The following INTS2 variants were observed in gnomAD, a reference collection of about 807,000 sequenced individuals.
INTS2 encodes the protein KIAA1287.
INTS2 carries 57 observed loss-of-function variants against 139.6 expected under a neutral mutation model. The observed-to-expected ratio is 0.41, with a 90% CI of 0.33 to 0.51. The LOEUF is 0.51. INTS2 is among the 20% of genes least tolerant of loss of function. INTS2 has a pLI of 0.28. For synonymous variants in INTS2, 473 were observed against 493.4 expected, an observed-to-expected ratio of 0.96 and a Z score of 0.55; for missense variants, 1,196 against 1,436.7, an observed-to-expected ratio of 0.83 and a Z score of 2.71.
chr17:61,874,811 G>T, intron 19 of INTS2, 102 bp downstream of exon 19: 1 of 991,798 alleles, frequency 1.0e-6, no homozygotes, highest in Non-Finnish European at 1.4e-6. Context: ...CTACTTATCT[G>T]CAAGAAAAAT....
intron 18 of INTS2, among the ~76,000 whole-genome samples, chr17:61,877,534 G>A (rs543798483): frequency 6.6e-6 from 1 of 152,208 alleles, no homozygotes; most frequent in East Asian, 1.9e-4. Flanking sequence ...GATCAGTAGT[G>A]GTAAAAACTC....
At chr17:61,913,968 C>G (rs1166250116) in intron 5 of INTS2, among the ~76,000 whole-genome samples, 1 of 151,294 alleles carries the variant, frequency 6.6e-6, no homozygotes, top group Non-Finnish European at 1.5e-5. Context: ...GCACAAAGTA[C>G]AAGAGGAAAA....
At chr17:61,914,317 G>A (rs188161539) in intron 5 of INTS2, among the ~76,000 whole-genome samples, 47 of 152,214 alleles carry the variant, frequency 3.1e-4, no homozygotes, top group African/African-American at 1.1e-3. Context: ...AGCACTTTGG[G>A]AGATTGAGGC....
Position 61,909,854 on chromosome 17 carries a change from T to C in INTS2, c.954+1666A>G, listed in dbSNP as rs944903272. Among the ~76,000 whole-genome samples the C allele has an allele frequency of 7.1e-6, 1 of 141,640 alleles. No homozygotes were observed. Among genetic ancestry groups the C allele is most frequent in the Non-Finnish European group, 1.6e-5 (1 of 64,474 alleles). The allele number at this position is 141,640 out of a possible 152,430, so 92.9% of individuals were successfully genotyped here. On this transcript the variant is annotated intron_variant, in intron 7 of 24. Transcript: ENST00000251334. The surrounding 1 kb of genome is among the most constrained non-coding windows in gnomAD (Gnocchi z 4.9). ...GTGTGTGTGTGTGTGTGTGTGTGTG[T>C]GTGTGTGCATATATCACATTTTCTT...
intron 14 of INTS2, among the ~76,000 whole-genome samples, chr17:61,890,517 T>C (rs1397151231): frequency 6.7e-6 from 1 of 148,988 alleles, no homozygotes; most frequent in Non-Finnish European, 1.5e-5. Flanking sequence ...GGCTGAGGCA[T>C]GAGAATCACT....
At position 61,874,925 on chromosome 17, in the gene INTS2, TG is replaced by T; in HGVS notation, c.2569del (p.Gln857ArgfsTer9). 1.3e-6 allele frequency: 2 copies of T among 1,591,134 alleles called. No homozygotes were observed. The highest frequency in any genetic ancestry group is 1.7e-6 in the Non-Finnish European group (2 of 1,168,394). On this transcript the variant is annotated frameshift_variant, in exon 19 of 25. Transcript: ENST00000251334. LOFTEE classifies it high-confidence loss of function. ...AAATGACATGTACCTGTGAACCCTC[TG>T]ATCACACCTTAGGACAATGAGAGGA... ...IDPLIVLRCDQRVHRCPPLMD... is the reference protein window; with the variant it reads ...IDPLIVLRCDXRVHRCPPLMD...
chr17:61,925,387 T>C (rs937645632), intron 2 of INTS2, among the ~76,000 whole-genome samples: 1 of 151,558 alleles, frequency 6.6e-6, no homozygotes, highest in Non-Finnish European at 1.5e-5. Flanking sequence ...GAGACCAGCC[T>C]GGCCAATATG....
intron 9 of INTS2, among the ~76,000 whole-genome samples, chr17:61,898,305 T>C (rs2079370012): frequency 6.6e-6 from 1 of 152,082 alleles, no homozygotes; most frequent in South Asian, 2.1e-4. Flanking sequence ...AAAATACGAC[T>C]TTTCTTTGAG....
At chr17:61,907,075 C>G (rs908874166) in intron 8 of INTS2, among the ~76,000 whole-genome samples, 1 of 151,406 alleles carries the variant, frequency 6.6e-6, no homozygotes, top group East Asian at 1.9e-4. Flanking sequence ...TTCAACTAGT[C>G]AATGGTAAAA....
At chr17:61,905,621 C>T (rs960202047) in intron 8 of INTS2, among the ~76,000 whole-genome samples, 1 of 152,094 alleles carries the variant, frequency 6.6e-6, no homozygotes, top group African/African-American at 2.4e-5. Context: ...CCACTGTGCC[C>T]GGTCTTAAAG....
At chr17:61,874,565 C>T (rs747477736) in intron 19 of INTS2, among the ~76,000 whole-genome samples, 1 of 152,134 alleles carries the variant, frequency 6.6e-6, no homozygotes, top group Non-Finnish European at 1.5e-5. Context: ...ACGCAGGTAA[C>T]GGTTCACAAG....
At chr17:61,879,071 C>CTTTTTTTTTTTT (rs943506280) in intron 17 of INTS2, among the ~76,000 whole-genome samples, 1 of 34,432 alleles carries the variant, frequency 2.9e-5, no homozygotes, top group Admixed American at 4.1e-4. Context: ...CCAGGCTGGT[C>CTTTTTTTTTTTT]TTTTTTTTTT....
chr17:61,890,789 C>T lies in INTS2; in HGVS notation c.1875+724G>A, dbSNP rs555826222. On this transcript the variant is annotated intron_variant, in intron 14 of 24. Transcript: ENST00000251334. ...AAAAAAAAAAAAATTACTGGCCAGG[C>T]GCAGTGGCTCACACCTGTAATCCCA... Among the ~76,000 whole-genome samples the T allele has an allele frequency of 4.6e-4, 66 of 144,696 alleles. 1 individual carries two copies. Among genetic ancestry groups the T allele is most frequent in the African/African-American group, 1.6e-3 (61 of 39,276 alleles). The allele number at this position is 144,696 out of a possible 152,430, so 94.9% of individuals were successfully genotyped here.
chr17:61,927,641 G>A lies in INTS2; in HGVS notation c.-19+13C>T, dbSNP rs747156243. Reference sequence around the variant, plus strand: ...AGGAACGCGCTGAGGCCAGAGAAGCGGACGCTTCATACCTTAAGATCTACC... The same window carrying A: ...AGGAACGCGCTGAGGCCAGAGAAGCAGACGCTTCATACCTTAAGATCTACC... On this transcript the variant is annotated intron_variant, in intron 1 of 24. Transcript: ENST00000251334. 3.0e-5 allele frequency: 40 copies of A among 1,352,834 alleles called. No individual in the cohort carries two copies. The African/African-American group carries it at 5.0e-4, about 17-fold the overall frequency. 83.8% of individuals were successfully genotyped at this position (1,352,834 alleles called of 1,614,324 possible).
intron 9 of INTS2, among the ~76,000 whole-genome samples, chr17:61,898,393 C>G (rs1334345509): frequency 6.6e-6 from 1 of 152,066 alleles, no homozygotes; most frequent in Non-Finnish European, 1.5e-5. Context: ...CACCCAAGCT[C>G]AAGTGATCCT....
chr17:61,919,478 C>A lies in INTS2; in HGVS notation c.571G>T (p.Glu191Ter). 1 of 1,597,988 alleles carries A rather than the reference C, an allele frequency of 6.3e-7. No individual in the cohort carries two copies. The highest frequency in any genetic ancestry group is 8.5e-7 in the Non-Finnish European group (1 of 1,171,144). The change falls in exon 5 of 25, where the codon GAA (glutamate) becomes TAA (stop). Residue 191 changes from glutamate to a stop codon, truncating the protein, a stop_gained. Coordinates refer to ENST00000251334, the MANE Select transcript of INTS2 (RefSeq NM_001351695.2). LOFTEE classifies it high-confidence loss of function. ...PSLLPIVDVA[E>*]ALLHVRNGAW... ...CCATTTCTAACATGTAGCAAAGCTTCAGCTACATCAACTATAGGGAGCAAG... is the reference window on the plus strand; with the variant it reads ...CCATTTCTAACATGTAGCAAAGCTTAAGCTACATCAACTATAGGGAGCAAG...
intron 8 of INTS2, among the ~76,000 whole-genome samples, chr17:61,905,729 C>T (rs2079455911): frequency 6.6e-6 from 1 of 152,036 alleles, no homozygotes. Context: ...TGGAGTTTCA[C>T]TCTTATTGCC....
At chr17:61,887,645 T>G (rs1384063848) in intron 15 of INTS2, among the ~76,000 whole-genome samples, 1 of 152,200 alleles carries the variant, frequency 6.6e-6, no homozygotes, top group Non-Finnish European at 1.5e-5. Flanking sequence ...AATTTTCATT[T>G]GTGAAATTTA....
chr17:61,914,853 G>A (rs2079563674), intron 5 of INTS2, among the ~76,000 whole-genome samples: 2 of 150,084 alleles, frequency 1.3e-5, no homozygotes, highest in Admixed American at 1.3e-4. Context: ...CAGCATGCGT[G>A]ACAGAGCGAG....
Sources: allele counts gnomAD v4.1 joint callset (sites outside exome capture counted in the v4.1 genomes callset), GRCh38; gene constraint gnomAD v4.1.1; non-coding constraint Gnocchi (gnomAD v3.1); transcripts MANE v1.5; gene names NCBI Gene and HGNC (gene_info 2026-07-23, HGNC 2026-07-21).